Variants in SPATA17 observed in about 807,000 individuals in gnomAD.
SPATA17 encodes spermatogenesis-associated protein 17.
In SPATA17, 53 loss-of-function variants were observed where a neutral mutation model predicts 62.2. The observed-to-expected ratio is 0.85, with a 90% CI of 0.68 to 1.07. The LOEUF is 1.07. SPATA17 is among the 50% of genes least tolerant of loss of function. The pLI is 0.00. For synonymous variants in SPATA17, 146 were observed against 146.8 expected (o/e 0.99, Z 0.04); for missense variants, 466 against 425.5 (o/e 1.10, Z -0.84).
At chr1:217,786,750 T>TTCTTCTTC (rs1553252152) in intron 8 of SPATA17, among the ~76,000 whole-genome samples, 34 of 107,436 alleles carry the variant, frequency 3.2e-4, no homozygotes, top group Non-Finnish European at 5.3e-4. Flanking sequence ...TGATATTCTC[T>TTCTTCTTC]TTCTTCTTCT....
At chr1:217,664,607 A>G (rs1435722798) in intron 3 of SPATA17, among the ~76,000 whole-genome samples, 2 of 151,856 alleles carry the variant, frequency 1.3e-5, no homozygotes, top group Admixed American at 6.6e-5. Flanking sequence ...AAATCTTTAT[A>G]CCCTATAGCG....
intron 9 of SPATA17, among the ~76,000 whole-genome samples, chr1:217,838,278 G>A (rs1288782578): frequency 1.3e-5 from 2 of 151,946 alleles, no homozygotes; most frequent in African/African-American, 2.4e-5. Context: ...AGCAGAATCT[G>A]TGGAAAATTT....
At chr1:217,687,627 T>C (rs1374102612) in intron 5 of SPATA17, among the ~76,000 whole-genome samples, 1 of 152,202 alleles carries the variant, frequency 6.6e-6, no homozygotes, top group East Asian at 1.9e-4. Flanking sequence ...GTTTGTAGCC[T>C]CGGAGCCAGA....
At chr1:217,776,519 C>G (rs916120542) in intron 7 of SPATA17, among the ~76,000 whole-genome samples, 2 of 152,114 alleles carry the variant, frequency 1.3e-5, no homozygotes, top group African/African-American at 2.4e-5. Flanking sequence ...TCCTCTTACT[C>G]AAGTTCTCTC....
intron 5 of SPATA17, among the ~76,000 whole-genome samples, chr1:217,735,927 C>T (rs944172627): frequency 1.9e-4 from 29 of 151,312 alleles, no homozygotes; most frequent in African/African-American, 7.0e-4. Context: ...TTATATGTTA[C>T]ATAACATACA....
chr1:217,765,981 G>T (rs747440841), intron 6 of SPATA17, among the ~76,000 whole-genome samples: 30 of 151,580 alleles, frequency 2.0e-4, no homozygotes, highest in Non-Finnish European at 4.1e-4. Flanking sequence ...GCTACTCCTG[G>T]TTTCTTTTTA....
chr1:217,670,808 G>A (rs992781168), intron 4 of SPATA17, among the ~76,000 whole-genome samples: 6 of 151,824 alleles, frequency 4.0e-5, no homozygotes, highest in Non-Finnish European at 5.9e-5. Flanking sequence ...AAAATTAGCC[G>A]GGCATGGTCA....
intron 1 of SPATA17, among the ~76,000 whole-genome samples, chr1:217,642,234 G>A (rs1360224100): frequency 2.0e-5 from 3 of 151,882 alleles, no homozygotes; most frequent in Non-Finnish European, 4.4e-5. Context: ...TTTTTCCTTT[G>A]TAATTTATAA....
intron 5 of SPATA17, among the ~76,000 whole-genome samples, chr1:217,712,128 C>CTTTTTT (rs551988828): frequency 0.11 from 14,099 of 133,330 alleles, 1,268 homozygotes; most frequent in Non-Finnish European, 0.13. Flanking sequence ...ACAATATGTT[C>CTTTTTT]TTTTGTTTTT....
chr1:217,850,735 G>T, intron 9 of SPATA17: 1 of 828,380 alleles, frequency 1.2e-6, no homozygotes, highest in East Asian at 2.8e-5. Context: ...CACCCCTCCA[G>T]AATATTTTAT....
chr1:217,683,634 G>T (rs1350745533), intron 5 of SPATA17, among the ~76,000 whole-genome samples: 1 of 151,992 alleles, frequency 6.6e-6, no homozygotes, highest in African/African-American at 2.4e-5. Flanking sequence ...TAGAGACGGG[G>T]TTTCACCATA....
At chr1:217,728,745 C>T (rs1343360464) in intron 5 of SPATA17, among the ~76,000 whole-genome samples, 2 of 152,006 alleles carry the variant, frequency 1.3e-5, no homozygotes, top group Non-Finnish European at 2.9e-5. Context: ...CCTAAGTGGG[C>T]TGTCATGTTA....
At chr1:217,658,357 C>G (rs1448335528) in intron 3 of SPATA17, among the ~76,000 whole-genome samples, 1 of 152,196 alleles carries the variant, frequency 6.6e-6, no homozygotes, top group Non-Finnish European at 1.5e-5. Context: ...TGCCTGCTCT[C>G]CCTTTACCTT....
intron 1 of SPATA17, among the ~76,000 whole-genome samples, chr1:217,645,875 G>A (rs1670169082): frequency 6.6e-6 from 1 of 152,130 alleles, no homozygotes; most frequent in South Asian, 2.1e-4. Flanking sequence ...CTTCTGCACA[G>A]TATTTAACAT....
chr1:217,726,321 T>A (rs1417483424), intron 5 of SPATA17, among the ~76,000 whole-genome samples: 1 of 152,216 alleles, frequency 6.6e-6, no homozygotes, highest in Non-Finnish European at 1.5e-5. Context: ...GTTGACCTTA[T>A]TCAAAAGCTC....
chr1:217,715,780 T>C (rs934549061), intron 5 of SPATA17, among the ~76,000 whole-genome samples: 3 of 152,188 alleles, frequency 2.0e-5, no homozygotes, highest in East Asian at 1.9e-4. Flanking sequence ...TCGTTCTCTT[T>C]GTTGTATTTC....
chr1:217,838,859 A>G (rs1675322198), intron 9 of SPATA17, among the ~76,000 whole-genome samples: 1 of 152,136 alleles, frequency 6.6e-6, no homozygotes. Context: ...GTTTATAAAC[A>G]TAGTTGAGAG....
At chr1:217,811,249 G>C (rs1003644884) in intron 9 of SPATA17, among the ~76,000 whole-genome samples, 2 of 152,032 alleles carry the variant, frequency 1.3e-5, no homozygotes, top group African/African-American at 4.8e-5. Flanking sequence ...GGCCAGGCTG[G>C]TCTCGAACTC....
chr1:217,631,568 C>A (rs1455229266), intron 1 of SPATA17, 122 bp downstream of exon 1: 1 of 987,028 alleles, frequency 1.0e-6, no homozygotes, highest in Non-Finnish European at 1.6e-6. Context: ...GTACCCAATT[C>A]TTCCCTTAAT....
Sources: allele counts gnomAD v4.1 joint callset (sites outside exome capture counted in the v4.1 genomes callset), GRCh38; gene constraint gnomAD v4.1.1; transcripts MANE v1.5; gene names NCBI Gene and HGNC (gene_info 2026-07-23, HGNC 2026-07-21).